The following PTPRD variants were observed in gnomAD, a reference collection of about 807,000 sequenced individuals.
PTPRD encodes receptor-type tyrosine-protein phosphatase delta.
PTPRD carries 34 observed loss-of-function variants against 214.5 expected under a neutral mutation model. That is an observed-to-expected ratio of 0.16 (90% CI 0.12 to 0.21). The LOEUF is 0.21. Among genes scored for constraint, PTPRD ranks in the 10% least tolerant of loss-of-function variants. PTPRD has a pLI of 1.00. For synonymous variants in PTPRD, 1,128 were observed against 845.7 expected, an observed-to-expected ratio of 1.33 and a Z score of -5.79; for missense variants, 2,545 against 2,398.7, an observed-to-expected ratio of 1.06 and a Z score of -1.27.
intron 14 of PTPRD, among the ~76,000 whole-genome samples, chr9:8,553,258 T>C (rs905069783): frequency 1.3e-5 from 2 of 152,006 alleles, no homozygotes; most frequent in African/African-American, 4.8e-5. Context: ...TTTATAGAAA[T>C]ATTAGTGAAA....
chr9:10,311,379 A>G (rs1432378011), intron 3 of PTPRD, among the ~76,000 whole-genome samples: 2 of 152,008 alleles, frequency 1.3e-5, no homozygotes, highest in Admixed American at 6.6e-5. Context: ...CAAAAATGCA[A>G]TCTCTTCTGA....
At chr9:9,435,417 AG>A (rs5896331) in intron 8 of PTPRD, among the ~76,000 whole-genome samples, 80,618 of 149,612 alleles carry the variant, frequency 0.54, 22,497 homozygotes, top group Middle Eastern at 0.65. Context: ...CCAGCTACTC[AG>A]GAGGATCCCT....
chr9:8,838,646 C>T (rs942758819), intron 11 of PTPRD, among the ~76,000 whole-genome samples: 13 of 151,556 alleles, frequency 8.6e-5, no homozygotes, highest in Admixed American at 7.9e-4. Context: ...GTGTATATAA[C>T]TCTTGGTTGT....
intron 10 of PTPRD, among the ~76,000 whole-genome samples, chr9:9,164,468 CA>C (rs1195041078): frequency 6.6e-6 from 1 of 152,100 alleles, no homozygotes; most frequent in African/African-American, 2.4e-5. Flanking sequence ...ATCACGTCTG[CA>C]AAAAACTTTT....
chr9:10,432,655 A>G (rs1353482253), intron 2 of PTPRD, among the ~76,000 whole-genome samples: 3 of 151,956 alleles, frequency 2.0e-5, no homozygotes, highest in African/African-American at 7.2e-5. Context: ...TGATCATTGA[A>G]TATACTGATT....
chr9:9,436,216 T>C (rs1345176591), intron 8 of PTPRD, among the ~76,000 whole-genome samples: 1 of 152,198 alleles, frequency 6.6e-6, no homozygotes, highest in Non-Finnish European at 1.5e-5. Context: ...AAAAAGTATC[T>C]GCATGATAAG....
At chr9:8,876,456 C>T (rs79517876) in intron 11 of PTPRD, among the ~76,000 whole-genome samples, 1 of 152,284 alleles carries the variant, frequency 6.6e-6, no homozygotes, top group East Asian at 1.9e-4. Context: ...GTTCTGAAAA[C>T]TCCACATGCC....
chr9:9,977,253 C>T (rs187492429), intron 4 of PTPRD, among the ~76,000 whole-genome samples: 1 of 152,142 alleles, frequency 6.6e-6, no homozygotes, highest in Admixed American at 6.5e-5. Context: ...TAGAACTTAC[C>T]AATTTGAAGC....
At chr9:10,378,319 G>A (rs1251165112) in intron 2 of PTPRD, among the ~76,000 whole-genome samples, 1 of 151,966 alleles carries the variant, frequency 6.6e-6, no homozygotes, top group Non-Finnish European at 1.5e-5. Context: ...TTAACTTAAT[G>A]TGATCCCTTC....
At chr9:10,386,482 G>A (rs887430011) in intron 2 of PTPRD, among the ~76,000 whole-genome samples, 8 of 151,800 alleles carry the variant, frequency 5.3e-5, no homozygotes, top group African/African-American at 1.9e-4. Flanking sequence ...TGTCCACAGG[G>A]ACTGTGCACA....
At chr9:8,328,503 G>T (rs1836335969) in intron 44 of PTPRD, among the ~76,000 whole-genome samples, 1 of 151,954 alleles carries the variant, frequency 6.6e-6, no homozygotes, top group Non-Finnish European at 1.5e-5. Flanking sequence ...TGTGTCTTGG[G>T]GTTGCTCTTC....
intron 21 of PTPRD, among the ~76,000 whole-genome samples, chr9:8,510,166 C>A (rs1217548839): frequency 6.6e-6 from 1 of 151,970 alleles, no homozygotes; most frequent in Non-Finnish European, 1.5e-5. Context: ...GTGGAGCATG[C>A]CTGTAGTCCC....
At chr9:10,391,436 CT>C in intron 2 of PTPRD, among the ~76,000 whole-genome samples, 1 of 151,710 alleles carries the variant, frequency 6.6e-6, no homozygotes, top group Non-Finnish European at 1.5e-5. Context: ...ATGGTCTAGC[CT>C]TAAGTGTTAG....
At chr9:8,340,262 A>T (rs2132333555) in intron 42 of PTPRD, 81 bp downstream of exon 42, 1 of 1,450,852 alleles carries the variant, frequency 6.9e-7, no homozygotes, top group Non-Finnish European at 9.3e-7. Context: ...ATGATCTAGC[A>T]CAAGAGTTAT....
At chr9:9,090,811 T>A in intron 10 of PTPRD, 1 of 711,938 alleles carries the variant, frequency 1.4e-6, no homozygotes, top group Admixed American at 2.0e-5. Context: ...TAACTCTTAA[T>A]GACATCTCAA....
chr9:9,677,310 G>C (rs1391327755), intron 7 of PTPRD, among the ~76,000 whole-genome samples: 1 of 151,924 alleles, frequency 6.6e-6, no homozygotes. Context: ...TTTGTATAAG[G>C]TGTAAGGAAG....
At chr9:8,550,632 A>C (rs1393578025) in intron 14 of PTPRD, among the ~76,000 whole-genome samples, 4 of 152,342 alleles carry the variant, frequency 2.6e-5, no homozygotes, top group African/African-American at 7.2e-5. Flanking sequence ...AGAAGAGATC[A>C]TGATTTTCAA....
chr9:10,093,531 C>T (rs397800), intron 3 of PTPRD, among the ~76,000 whole-genome samples: 64,712 of 151,276 alleles, frequency 0.43, 14,777 homozygotes, highest in African/African-American at 0.56. Flanking sequence ...CTATGGAAAA[C>T]TGTTTGGAGA....
intron 9 of PTPRD, among the ~76,000 whole-genome samples, chr9:9,229,852 G>C (rs1377489014): frequency 6.6e-6 from 1 of 152,000 alleles, no homozygotes; most frequent in East Asian, 1.9e-4. Context: ...TTCATATTTG[G>C]TTAGGAAGAC....
Sources: allele counts gnomAD v4.1 joint callset (sites outside exome capture counted in the v4.1 genomes callset), GRCh38; gene constraint gnomAD v4.1.1; transcripts MANE v1.5; gene names NCBI Gene and HGNC (gene_info 2026-07-23, HGNC 2026-07-21).